CLEC3A: variants seen among roughly 807,000 people sequenced by gnomAD.
The protein encoded by CLEC3A is C-type (calcium dependent, carbohydrate-recognition domain) lectin, superfamily member 1 (cartilage-derived).
In CLEC3A, 28 loss-of-function variants were observed where a neutral mutation model predicts 20.4. The ratio of observed to expected loss-of-function variants is 1.37; its 90% CI spans 1.02 to 1.88. The LOEUF (loss-of-function observed/expected upper bound fraction) is 1.88. Ranked by LOEUF, CLEC3A falls within the 40% of genes most tolerant of loss-of-function variation. The pLI is 0.00. For synonymous variants in CLEC3A, 110 were observed against 88.1 expected (o/e 1.25, Z -1.39); for missense variants, 357 against 240.4 (o/e 1.48, Z -3.21).
intron 2 of CLEC3A, 21 bp downstream of exon 2, chr16:78,028,211 G>A: frequency 1.9e-6 from 3 of 1,547,032 alleles, no homozygotes; most frequent in East Asian, 4.7e-5. Context: ...GACCTTCTCA[G>A]TGCCTTGTCC....
intron 1 of CLEC3A, among the ~76,000 whole-genome samples, chr16:78,025,785 G>A (rs1268630503): frequency 6.6e-6 from 1 of 152,094 alleles, no homozygotes; most frequent in African/African-American, 2.4e-5. Flanking sequence ...GTACATAAAA[G>A]ACATCTATAT....
intron 1 of CLEC3A, 88 bp downstream of exon 1, chr16:78,022,829 A>G: frequency 7.1e-7 from 1 of 1,414,184 alleles, no homozygotes. Flanking sequence ...CTCCTCCAGG[A>G]GACTATCTTC....
chr16:78,027,947 C>T (rs189559723), intron 1 of CLEC3A, among the ~76,000 whole-genome samples, 160 bp from the exon 2 acceptor site: 4 of 152,342 alleles, frequency 2.6e-5, no homozygotes, highest in Admixed American at 2.0e-4. Flanking sequence ...TGAGCCACTT[C>T]GCCAGCCCCA....
In CLEC3A at chr16:78,030,736, G is replaced by T; in HGVS notation, c.489G>T (p.Lys163Asn). ...ACCGTGCACAGCCTAACGGTGGCAA[G>T]CGAGAAAACTGTGTCCTGTTCTCCC... ...NWDRAQPNGGKRENCVLFSQS... is the reference protein window; with the variant it reads ...NWDRAQPNGGNRENCVLFSQS... The change falls in exon 3 of 3, where the codon AAG (lysine) becomes AAT (asparagine). Residue 163 changes from lysine (K) to asparagine (N), a missense_variant. Coordinates refer to ENST00000299642, the MANE Select transcript of CLEC3A (RefSeq NM_005752.6). 2 of 1,614,140 alleles carry T rather than the reference G, an allele frequency of 1.2e-6. No homozygotes were observed. The highest frequency in any genetic ancestry group is 1.7e-6 in the Non-Finnish European group (2 of 1,180,024).
intron 2 of CLEC3A, among the ~76,000 whole-genome samples, chr16:78,029,412 G>A (rs753140356): frequency 3.3e-5 from 5 of 152,034 alleles, no homozygotes; most frequent in South Asian, 4.2e-4. Flanking sequence ...ACTGTTGCCC[G>A]GGCTGGAGTA....
chr16:78,028,082 C>A (rs762073781), intron 1 of CLEC3A, 25 bp from the exon 2 acceptor site: 10 of 1,507,728 alleles, frequency 6.6e-6, no homozygotes, highest in Non-Finnish European at 8.3e-6. Context: ...CCACCTACCC[C>A]ATCCCACCCT....
rs1370887659 is a variant in CLEC3A, at chr16:78,030,473, A to G, written c.226A>G (p.Lys76Glu). Reference sequence around the variant, plus strand: ...CTGTCTCCGAGGCACTAAAGTTCACAAGAAATGCTACCTTGCTTCAGAAGG... The same window carrying G: ...CTGTCTCCGAGGCACTAAAGTTCACGAGAAATGCTACCTTGCTTCAGAAGG... Reference protein sequence around the residue: ...TVCLRGTKVHKKCYLASEGLK... With the variant: ...TVCLRGTKVHEKCYLASEGLK... Residue 76 changes from lysine to glutamate, a missense_variant, in exon 3 of 3, where the codon AAG becomes GAG. Coordinates refer to ENST00000299642, the MANE Select transcript of CLEC3A (RefSeq NM_005752.6). 1.2e-6 allele frequency: 2 copies of G among 1,609,610 alleles called. No homozygotes were observed. The highest frequency in any genetic ancestry group is 2.2e-5 in the East Asian group (1 of 44,798).
chr16:78,025,438 G>A lies in CLEC3A; in HGVS notation c.116-2669G>A, dbSNP rs185763653. On this transcript the variant is annotated intron_variant, in intron 1 of 2. Coordinates refer to ENST00000299642, the MANE Select transcript of CLEC3A (RefSeq NM_005752.6). ...TGCAGGTTAATTATACTTTCTAATTGTCCCTCCAAATGATAACACCAATCC... is the reference window on the plus strand; with the variant it reads ...TGCAGGTTAATTATACTTTCTAATTATCCCTCCAAATGATAACACCAATCC... Among the ~76,000 whole-genome samples, 493 of 152,226 alleles carry A rather than the reference G, an allele frequency of 3.2e-3. 1 individual carries two copies. The highest frequency in any genetic ancestry group is 0.011 in the African/African-American group (466 of 41,548).
At chr16:78,027,896 T>G (rs1264715294) in intron 1 of CLEC3A, among the ~76,000 whole-genome samples, 1 of 152,238 alleles carries the variant, frequency 6.6e-6, no homozygotes, top group Non-Finnish European at 1.5e-5. Flanking sequence ...CCTCAAGTGG[T>G]CCACCCGCCT....
intron 1 of CLEC3A, among the ~76,000 whole-genome samples, chr16:78,026,876 C>T (rs1418514436): frequency 2.6e-5 from 4 of 152,144 alleles, no homozygotes; most frequent in East Asian, 1.9e-4. Flanking sequence ...CTAATATAGA[C>T]GTATTTCTAT....
intron 1 of CLEC3A, among the ~76,000 whole-genome samples, chr16:78,023,119 G>A (rs192076543): frequency 6.6e-6 from 1 of 152,306 alleles, no homozygotes; most frequent in Admixed American, 6.5e-5. Flanking sequence ...TGTTTCACTA[G>A]TAGATATTGA....
At chr16:78,023,505 A>T (rs1046422322) in intron 1 of CLEC3A, among the ~76,000 whole-genome samples, 5 of 152,200 alleles carry the variant, frequency 3.3e-5, no homozygotes, top group African/African-American at 1.2e-4. Context: ...CAAAAGAAAA[A>T]AACAAGACAG....
At chr16:78,022,781 A>G (rs1160640149) in intron 1 of CLEC3A, 40 bp downstream of exon 1, 2 of 1,607,552 alleles carry the variant, frequency 1.2e-6, no homozygotes, top group Non-Finnish European at 1.7e-6. Flanking sequence ...CTAGGCTTAG[A>G]CAGTGTGGGG....
chr16:78,031,989 T>C lies in CLEC3A; in HGVS notation c.*1148T>C, dbSNP rs1194715598. The C allele has an allele frequency of 2.0e-5, 3 of 152,654 alleles. No individual in the cohort carries two copies. Among genetic ancestry groups the C allele is most frequent in the African/African-American group, 7.2e-5 (3 of 41,462 alleles). 9.5% of individuals were successfully genotyped at this position (152,654 alleles called of 1,614,324 possible). A position where few individuals can be genotyped will look rare whatever the true frequency, so the allele number is the denominator to read the frequency against. ...TCTTCAAATAAATAGTGTTTAAACATTGAATGTGTTTTGTGAACAATATCC... is the reference window on the plus strand; with the variant it reads ...TCTTCAAATAAATAGTGTTTAAACACTGAATGTGTTTTGTGAACAATATCC... On this transcript the variant is annotated 3_prime_UTR_variant, in exon 3 of 3. Transcript: ENST00000299642.
At position 78,031,164 on chromosome 16, in the gene CLEC3A, A is replaced by T. The variant is rs144184939; in HGVS notation, c.*323A>T. On this transcript the variant is annotated 3_prime_UTR_variant, in exon 3 of 3. Transcript: ENST00000299642. ...TTCAAAAAATCACAGTAGCAATGCAACTCATCACTCTAGAAAAGCAAGCTT... is the reference window on the plus strand; with the variant it reads ...TTCAAAAAATCACAGTAGCAATGCATCTCATCACTCTAGAAAAGCAAGCTT... 22 of 216,314 alleles carry T rather than the reference A, an allele frequency of 1.0e-4. 1 individual carries two copies. Among genetic ancestry groups the T allele is most frequent in the East Asian group, 3.5e-4 (3 of 8,458 alleles). 13.4% of individuals were successfully genotyped at this position (216,314 alleles called of 1,614,324 possible).
chr16:78,025,403 G>C (rs1222125628), intron 1 of CLEC3A, among the ~76,000 whole-genome samples: 1 of 152,174 alleles, frequency 6.6e-6, no homozygotes, highest in African/African-American at 2.4e-5. Flanking sequence ...GACATTTCCA[G>C]AAGTAAAATT....
chr16:78,027,111 T>C lies in CLEC3A; in HGVS notation c.116-996T>C, dbSNP rs532900708. Among the ~76,000 whole-genome samples, 56 of 152,338 alleles carry C rather than the reference T, an allele frequency of 3.7e-4. 1 individual carries two copies. Among genetic ancestry groups the C allele is most frequent in the African/African-American group, 1.2e-3 (51 of 41,580 alleles). On this transcript the variant is annotated intron_variant, in intron 1 of 2. Coordinates refer to ENST00000299642, the MANE Select transcript of CLEC3A (RefSeq NM_005752.6). ...AAGAGCAAGTGAAAACAATTTTGTA[T>C]ACCATAAAGTGTGTATTCACTAGAC... is the stretch of plus-strand genomic sequence containing the variant.
chr16:78,024,721 G>C (rs915284381), intron 1 of CLEC3A, among the ~76,000 whole-genome samples: 1 of 152,136 alleles, frequency 6.6e-6, no homozygotes, highest in African/African-American at 2.4e-5. Flanking sequence ...CAGTGTTAAA[G>C]AGATCAAAAG....
chr16:78,027,727 C>T (rs1182970545), intron 1 of CLEC3A, among the ~76,000 whole-genome samples: 2 of 152,030 alleles, frequency 1.3e-5, no homozygotes, highest in Non-Finnish European at 2.9e-5. Flanking sequence ...ATGATCTTTG[C>T]TCACTGCAAC....
Sources: gnomAD v4.1 joint callset for allele counts (sites outside exome capture counted in the v4.1 genomes callset) on GRCh38, gnomAD v4.1.1 for gene constraint, MANE v1.5 for transcripts, NCBI Gene and HGNC (gene_info 2026-07-23, HGNC 2026-07-21) for gene names.